KCNH8: variants seen among roughly 807,000 people sequenced by gnomAD.
The protein encoded by KCNH8 is potassium voltage-gated channel subfamily H member 8.
A neutral mutation model predicts 103.6 loss-of-function variants in KCNH8; 70 were observed. The observed-to-expected ratio is 0.68, with a 90% confidence interval of 0.56 to 0.82. The LOEUF (loss-of-function observed/expected upper bound fraction) is 0.82. Among genes scored for constraint, KCNH8 ranks in the 40% least tolerant of loss-of-function variants. The pLI, the probability that KCNH8 is intolerant of heterozygous loss-of-function variation, is 0.00. For synonymous variants in KCNH8, 498 were observed against 489.4 expected (o/e 1.02, Z -0.23); for missense variants, 1,217 against 1,329.9 (o/e 0.92, Z 1.32).
At chr3:19,244,860 A>G (rs947128352) in intron 1 of KCNH8, among the ~76,000 whole-genome samples, 1 of 152,002 alleles carries the variant, frequency 6.6e-6, no homozygotes, top group African/African-American at 2.4e-5. Flanking sequence ...TAGATTCTAG[A>G]TATTAGATCT....
At chr3:19,230,449 A>T (rs1055798700) in intron 1 of KCNH8, among the ~76,000 whole-genome samples, 1 of 152,218 alleles carries the variant, frequency 6.6e-6, no homozygotes, top group South Asian at 2.1e-4. Flanking sequence ...AGACTCTTTC[A>T]TCTTACTCAG....
intron 3 of KCNH8, among the ~76,000 whole-genome samples, chr3:19,339,934 A>G (rs1575539274): frequency 6.6e-6 from 1 of 152,056 alleles, no homozygotes; most frequent in Admixed American, 6.6e-5. Context: ...GATTGAAGTC[A>G]CTAAGAGACT....
chr3:19,339,840 T>C (rs538759497), intron 3 of KCNH8, among the ~76,000 whole-genome samples: 1 of 152,186 alleles, frequency 6.6e-6, no homozygotes, highest in Non-Finnish European at 1.5e-5. Context: ...CGTGAAAGAC[T>C]TGGAGTGAAG....
At chr3:19,491,052 T>C (rs906963562) in intron 11 of KCNH8, among the ~76,000 whole-genome samples, 2 of 152,316 alleles carry the variant, frequency 1.3e-5, no homozygotes, top group South Asian at 2.1e-4. Context: ...TGAATAAATA[T>C]AGTGCTCTTT....
chr3:19,297,403 A>G (rs564629566), intron 3 of KCNH8, among the ~76,000 whole-genome samples: 2 of 152,346 alleles, frequency 1.3e-5, no homozygotes, highest in African/African-American at 4.8e-5. Context: ...ATTGATGAAA[A>G]TATAAGTTAT....
intron 11 of KCNH8, among the ~76,000 whole-genome samples, chr3:19,481,914 G>T (rs1443672124): frequency 6.6e-6 from 1 of 152,190 alleles, no homozygotes; most frequent in Non-Finnish European, 1.5e-5. Context: ...TGAAGTTGCA[G>T]CAGGATGAGC....
rs2065049558 is a variant in KCNH8, at chr3:19,300,266, G to GA, written c.442+18940dup. Among the ~76,000 whole-genome samples the GA allele has an allele frequency of 2.7e-5, 4 of 149,384 alleles. No individual in the cohort carries two copies. In the South Asian group the frequency reaches 6.3e-4, roughly 24 times the overall value. On this transcript the variant is annotated intron_variant, in intron 3 of 15. Coordinates refer to ENST00000328405, the MANE Select transcript of KCNH8 (RefSeq NM_144633.3). ...TCTGTCTATAAAAAAAAAAAAGAAA[G>GA]AAAGAAAAGAAAATATGAACAGGTG...
At chr3:19,375,878 G>A (rs1251493424) in intron 5 of KCNH8, among the ~76,000 whole-genome samples, 5 of 152,220 alleles carry the variant, frequency 3.3e-5, no homozygotes, top group African/African-American at 7.2e-5. Flanking sequence ...TGAGGTGTCA[G>A]TGTGCCCTTG....
rs138181171 is a variant in KCNH8 at position 19,260,967 on chromosome 3, C to CATATATATAT, written c.310+7097_310+7106dup. 2.6e-3 allele frequency among the ~76,000 whole-genome samples: 341 copies of CATATATATAT among 132,122 alleles called. 7 individuals are homozygous for CATATATATAT. Among genetic ancestry groups the CATATATATAT allele is most frequent in the African/African-American group, 8.2e-3 (305 of 37,004 alleles). 86.7% of individuals were successfully genotyped at this position (132,122 alleles called of 152,430 possible). ...TCCTTTTTTAAGGCTGAATAATATT[C>CATATATATAT]ATATATATATATATATATATATATA... On this transcript the variant is annotated intron_variant, in intron 2 of 15. Coordinates refer to ENST00000328405, the MANE Select transcript of KCNH8 (RefSeq NM_144633.3).
At chr3:19,349,349 A>T (rs2065769312) in intron 5 of KCNH8, among the ~76,000 whole-genome samples, 1 of 151,948 alleles carries the variant, frequency 6.6e-6, no homozygotes, top group South Asian at 2.1e-4. Flanking sequence ...CCAACATTTG[A>T]AGTCTCCTCC....
At chr3:19,487,071 G>C (rs1014677166) in intron 11 of KCNH8, among the ~76,000 whole-genome samples, 1 of 152,174 alleles carries the variant, frequency 6.6e-6, no homozygotes, top group Admixed American at 6.5e-5. Context: ...ATGCAGCCTA[G>C]GTCTTTAGCA....
chr3:19,267,794 C>A (rs756192648), intron 2 of KCNH8, among the ~76,000 whole-genome samples: 2 of 152,114 alleles, frequency 1.3e-5, no homozygotes, highest in Non-Finnish European at 2.9e-5. Flanking sequence ...TCATATCTAC[C>A]AGACCAAAAG....
chr3:19,226,492 G>T (rs11926160), intron 1 of KCNH8, among the ~76,000 whole-genome samples: 5,891 of 152,122 alleles, frequency 0.039, 406 homozygotes, highest in African/African-American at 0.13. Flanking sequence ...TTGACAGTAA[G>T]AGACCGAGTT....
intron 3 of KCNH8, among the ~76,000 whole-genome samples, chr3:19,292,798 T>A (rs2125283241): frequency 6.6e-6 from 1 of 152,182 alleles, no homozygotes; most frequent in East Asian, 1.9e-4. Context: ...ATAAAAAGAG[T>A]GAAGGACAAA....
intron 11 of KCNH8, among the ~76,000 whole-genome samples, chr3:19,485,880 C>A (rs1049005911): frequency 4.6e-5 from 7 of 152,178 alleles, no homozygotes; most frequent in Admixed American, 4.6e-4. Flanking sequence ...ATTTTATGTC[C>A]TTTCCCCCAG....
chr3:19,395,389 G>A, intron 7 of KCNH8, 78 bp downstream of exon 7: 1 of 945,464 alleles, frequency 1.1e-6, no homozygotes, highest in South Asian at 1.5e-5. Flanking sequence ...GGAAGTGAAA[G>A]ATAAGTCTAT....
At chr3:19,532,681 T>C (rs758527252) in intron 15 of KCNH8, among the ~76,000 whole-genome samples, 1 of 152,212 alleles carries the variant, frequency 6.6e-6, no homozygotes, top group Admixed American at 6.5e-5. Flanking sequence ...TGCATCCCAT[T>C]CATCCAGGGG....
chr3:19,271,391 C>G (rs1034864893), intron 2 of KCNH8, among the ~76,000 whole-genome samples: 5 of 152,104 alleles, frequency 3.3e-5, no homozygotes, highest in African/African-American at 7.2e-5. Context: ...TTCAAAGAAA[C>G]ACTGAATTCT....
chr3:19,482,599 A>G (rs1469734116), intron 11 of KCNH8, among the ~76,000 whole-genome samples: 1 of 152,036 alleles, frequency 6.6e-6, no homozygotes, highest in Non-Finnish European at 1.5e-5. Context: ...TACTATTATA[A>G]CTCTTATTAT....
Sources: allele counts gnomAD v4.1 joint callset (sites outside exome capture counted in the v4.1 genomes callset), GRCh38; gene constraint gnomAD v4.1.1; transcripts MANE v1.5; gene names NCBI Gene and HGNC (gene_info 2026-07-23, HGNC 2026-07-21).